Variants in SLC35D2 observed in about 807,000 individuals in gnomAD.
SLC35D2 encodes nucleotide sugar transporter SLC35D2.
Under a neutral mutation model 41.8 loss-of-function variants are expected in SLC35D2, and 43 were observed. That is an observed-to-expected ratio of 1.03 (90% CI 0.81 to 1.33). The LOEUF (loss-of-function observed/expected upper bound fraction) is 1.33, where lower values mean the gene tolerates loss of function less well. SLC35D2 is among the 40% of genes most tolerant of loss of function. The probability of loss-of-function intolerance (pLI) is 0.00; values close to 1 mark genes in which losing one functional copy is unlikely to be tolerated. For missense variants in SLC35D2, 380 were observed against 408.4 expected (o/e 0.93, Z 0.60); for synonymous variants, 150 against 163.9 (o/e 0.92, Z 0.65).
chr9:96,324,264 TAAGCG>T (rs2130835726), intron 9 of SLC35D2, 95 bp from the exon 10 acceptor site: 1 of 930,964 alleles, frequency 1.1e-6, no homozygotes, highest in African/African-American at 1.7e-5. Context: ...ACAAGCACTT[TAAGCG>T]AAGAAAAAAG....
chr9:96,347,419 G>T (rs962615041), intron 6 of SLC35D2, among the ~76,000 whole-genome samples: 11 of 152,304 alleles, frequency 7.2e-5, no homozygotes, highest in African/African-American at 2.6e-4. Context: ...CATTTCTGAA[G>T]AATTTACTTG....
intron 4 of SLC35D2, among the ~76,000 whole-genome samples, chr9:96,356,713 A>G (rs1830042950): frequency 6.9e-6 from 1 of 145,008 alleles, no homozygotes; most frequent in African/African-American, 2.4e-5. Context: ...TACAAAAAAA[A>G]TTAAAACAAT....
intron 4 of SLC35D2, 72 bp from the exon 5 acceptor site, chr9:96,352,181 C>T (rs1332184033): frequency 2.1e-6 from 2 of 955,818 alleles, no homozygotes; most frequent in African/African-American, 1.6e-5. Flanking sequence ...ACATGTTTTA[C>T]ATTTTTAATT....
chr9:96,354,780 A>AAG (rs1829951456), intron 4 of SLC35D2, among the ~76,000 whole-genome samples: 1 of 150,370 alleles, frequency 6.7e-6, no homozygotes, highest in Non-Finnish European at 1.5e-5. Context: ...AAAAAAAAAA[A>AAG]AAAAAAAAAA....
chr9:96,374,830 C>T (rs1403243237), intron 1 of SLC35D2, among the ~76,000 whole-genome samples: 1 of 147,132 alleles, frequency 6.8e-6, no homozygotes, highest in African/African-American at 2.5e-5. Flanking sequence ...AGAGCAAGAG[C>T]GACACTCCGC....
chr9:96,370,673 A>G (rs1830640846), intron 1 of SLC35D2, among the ~76,000 whole-genome samples: 1 of 152,148 alleles, frequency 6.6e-6, no homozygotes, highest in Non-Finnish European at 1.5e-5. Context: ...ATAAAAAAAA[A>G]TAAATTTTAA....
intron 1 of SLC35D2, among the ~76,000 whole-genome samples, chr9:96,382,496 C>CACACACTATATA (rs200897475): frequency 7.1e-4 from 91 of 127,924 alleles, no homozygotes; most frequent in African/African-American, 2.6e-3. Flanking sequence ...CACACACACA[C>CACACACTATATA]TATATATATA....
intron 3 of SLC35D2, 132 bp from the exon 4 acceptor site, chr9:96,360,353 G>A (rs999292786): frequency 2.8e-5 from 20 of 723,220 alleles, no homozygotes; most frequent in Non-Finnish European, 4.6e-5. Flanking sequence ...GATTTTGGCG[G>A]GGCGCAGTGG....
intron 4 of SLC35D2, among the ~76,000 whole-genome samples, chr9:96,352,470 C>T (rs556220896): frequency 2.2e-4 from 34 of 152,030 alleles, no homozygotes; most frequent in African/African-American, 6.7e-4. Flanking sequence ...TACAGGCATG[C>T]GCCACAACAC....
chr9:96,328,661 A>G (rs1026496812), intron 9 of SLC35D2, among the ~76,000 whole-genome samples: 2 of 151,920 alleles, frequency 1.3e-5, no homozygotes, highest in African/African-American at 4.8e-5. Flanking sequence ...CACAAACAGA[A>G]CTCAAATGAC....
chr9:96,373,155 C>A (rs1830783896), intron 1 of SLC35D2, among the ~76,000 whole-genome samples: 1 of 152,062 alleles, frequency 6.6e-6, no homozygotes, highest in African/African-American at 2.4e-5. Flanking sequence ...CCGCCTTGGC[C>A]TGCCAAGTGC....
rs562996771 is a variant in SLC35D2, at chr9:96,323,296, C to G, written c.831+795G>C. Among the ~76,000 whole-genome samples, 3 of 151,992 alleles carry G rather than the reference C, an allele frequency of 2.0e-5. No individual in the cohort carries two copies. The South Asian group carries it at 6.3e-4, about 32-fold the overall frequency. On this transcript the variant is annotated intron_variant, in intron 10 of 11. Coordinates refer to ENST00000253270, the MANE Select transcript of SLC35D2 (RefSeq NM_007001.3). ...AATTATGGAATAGAATCCAGAACACCTCTCCCCCTATTCATTCATGTGCAT... is the reference window on the plus strand; with the variant it reads ...AATTATGGAATAGAATCCAGAACACGTCTCCCCCTATTCATTCATGTGCAT...
At chr9:96,358,158 C>T (rs1419852290) in intron 4 of SLC35D2, among the ~76,000 whole-genome samples, 1 of 140,528 alleles carries the variant, frequency 7.1e-6, no homozygotes, top group Non-Finnish European at 1.5e-5. Flanking sequence ...ATTCTGATAC[C>T]TAATATAACA....
intron 8 of SLC35D2, among the ~76,000 whole-genome samples, chr9:96,342,474 A>G (rs1587673109): frequency 6.6e-6 from 1 of 152,132 alleles, no homozygotes. Flanking sequence ...GCACTGACTC[A>G]GTTTAAAATT....
chr9:96,358,078 TTTTA>T (rs985138136), intron 4 of SLC35D2, among the ~76,000 whole-genome samples: 7 of 79,252 alleles, frequency 8.8e-5, no homozygotes, highest in South Asian at 3.4e-4. Flanking sequence ...ATATTATATA[TTTTA>T]TATATATATA....
At chr9:96,342,762 C>G (rs1564100061) in intron 8 of SLC35D2, among the ~76,000 whole-genome samples, 1 of 152,176 alleles carries the variant, frequency 6.6e-6, no homozygotes, top group Non-Finnish European at 1.5e-5. Flanking sequence ...GAGAATTGGA[C>G]AAGTGAGAAA....
At position 96,322,717 on chromosome 9, in the gene SLC35D2, G is replaced by GTTTTTTTT. The variant is rs57493593; in HGVS notation, c.832-645_832-638dup. 6.2e-3 allele frequency among the ~76,000 whole-genome samples: 694 copies of GTTTTTTTT among 111,266 alleles called. 18 individuals carry two copies. Among genetic ancestry groups the GTTTTTTTT allele is most frequent in the African/African-American group, 8.0e-3 (208 of 26,074 alleles). 73.0% of individuals were successfully genotyped at this position (111,266 alleles called of 152,430 possible). Reference sequence around the variant, plus strand: ...TCATTGGGTAGTGAGGTTTTCTGGGGTTTTTTTTTTTTTTTTTTTGAGACA... The same window carrying GTTTTTTTT: ...TCATTGGGTAGTGAGGTTTTCTGGGGTTTTTTTTTTTTTTTTTTTTTTTTTTTGAGACA... On this transcript the variant is annotated intron_variant, in intron 10 of 11. Coordinates refer to ENST00000253270, the MANE Select transcript of SLC35D2 (RefSeq NM_007001.3).
intron 10 of SLC35D2, among the ~76,000 whole-genome samples, chr9:96,323,024 T>C (rs548693536): frequency 6.5e-5 from 7 of 107,570 alleles, no homozygotes; most frequent in African/African-American, 2.1e-4. Flanking sequence ...TGGTTTTTCT[T>C]TTTTTTTTTT....
downstream of SLC35D2, chr9:96,320,571 T>A (rs1013898984): frequency 2.0e-5 from 3 of 151,822 alleles, no homozygotes; most frequent in African/African-American, 7.3e-5. Context: ...TTTTTTCCCA[T>A]TGAGTTACTT....
Sources: allele counts gnomAD v4.1 joint callset (sites outside exome capture counted in the v4.1 genomes callset), GRCh38; gene constraint gnomAD v4.1.1; transcripts MANE v1.5; gene names NCBI Gene and HGNC (gene_info 2026-07-23, HGNC 2026-07-21).